The following NELL1 variants were observed in gnomAD, a reference collection of about 807,000 sequenced individuals.
NELL1 encodes neural EGFL like 1.
NELL1 carries 76 observed loss-of-function variants against 107.4 expected under a neutral mutation model. The observed-to-expected ratio is 0.71, with a 90% CI of 0.59 to 0.86. The LOEUF (loss-of-function observed/expected upper bound fraction) is 0.86. NELL1 is among the 40% of genes least tolerant of loss of function. The probability of loss-of-function intolerance (pLI) is 0.00; values close to 1 mark genes in which losing one functional copy is unlikely to be tolerated. For missense variants in NELL1, 1,024 were observed against 1,005.5 expected (o/e 1.02, Z -0.25); for synonymous variants, 353 against 341.2 (o/e 1.03, Z -0.38).
chr11:21,533,872 C>A (rs1363634108), intron 15 of NELL1, among the ~76,000 whole-genome samples: 3 of 152,156 alleles, frequency 2.0e-5, no homozygotes, highest in African/African-American at 4.8e-5. Flanking sequence ...TATTATCAAT[C>A]TTATCTCAAA....
intron 4 of NELL1, among the ~76,000 whole-genome samples, chr11:20,872,018 CAAAAAAAAAAA>C (rs1160968611): frequency 2.4e-5 from 1 of 41,700 alleles, no homozygotes; most frequent in Admixed American, 3.9e-4. Context: ...GACTCCGTCT[CAAAAAAAAAAA>C]AAAAAAAAAA....
chr11:20,860,275 T>C lies in NELL1; in HGVS notation c.506+12522T>C, dbSNP rs563816503. Among the ~76,000 whole-genome samples, 143 of 152,348 alleles carry C rather than the reference T, an allele frequency of 9.4e-4. 1 individual carries two copies. The highest frequency in any genetic ancestry group is 3.4e-3 in the African/African-American group (140 of 41,584). On this transcript the variant is annotated intron_variant, in intron 4 of 19. Coordinates refer to ENST00000357134, the MANE Select transcript of NELL1 (RefSeq NM_006157.5). ...TTTGATCATTTGATTGATGTCTGCCTTTCCTATGGGCTGTAAGCACCCTAT... is the reference window on the plus strand; with the variant it reads ...TTTGATCATTTGATTGATGTCTGCCCTTCCTATGGGCTGTAAGCACCCTAT...
Position 20,678,065 on chromosome 11 carries a change from A to G in NELL1, c.184+5A>G, listed in dbSNP as rs1854104615. 5 of 1,614,026 alleles carry G rather than the reference A, an allele frequency of 3.1e-6. No individual in the cohort carries two copies. Among genetic ancestry groups the G allele is most frequent in the South Asian group, 2.2e-5 (2 of 91,070 alleles). Reference sequence around the variant, plus strand: ...GCAAAGCATTTTTATTTCAAGGTAAAGGCACCTCCTTTCTTGCATGGTGGC... The same window carrying G: ...GCAAAGCATTTTTATTTCAAGGTAAGGGCACCTCCTTTCTTGCATGGTGGC... On this transcript the variant is annotated splice_donor_5th_base_variant and intron_variant, in intron 2 of 19. Coordinates refer to ENST00000357134, the MANE Select transcript of NELL1 (RefSeq NM_006157.5).
At chr11:21,384,149 C>G (rs1851679478) in intron 15 of NELL1, among the ~76,000 whole-genome samples, 1 of 151,948 alleles carries the variant, frequency 6.6e-6, no homozygotes, top group South Asian at 2.1e-4. Context: ...CATAAAACCT[C>G]TAACTCATCC....
intron 12 of NELL1, among the ~76,000 whole-genome samples, chr11:21,101,855 G>GTTTC (rs200961305): frequency 1.2e-4 from 18 of 151,896 alleles, no homozygotes; most frequent in South Asian, 6.2e-4. Flanking sequence ...TAGATCCCAC[G>GTTTC]TTTCTTTCTT....
chr11:21,260,675 A>C (rs1471951568), intron 14 of NELL1: 1 of 151,984 alleles, frequency 6.6e-6, no homozygotes, highest in African/African-American at 2.4e-5. Flanking sequence ...GCAGATAGAG[A>C]GTCTTCATCC....
chr11:21,271,681 C>T (rs937069956), intron 14 of NELL1, among the ~76,000 whole-genome samples: 5 of 152,142 alleles, frequency 3.3e-5, no homozygotes, highest in African/African-American at 1.2e-4. Flanking sequence ...GAAAAGAAAA[C>T]TATAGCCTGG....
intron 12 of NELL1, among the ~76,000 whole-genome samples, chr11:20,974,483 T>C (rs928236391): frequency 3.4e-4 from 52 of 152,192 alleles, no homozygotes; most frequent in Non-Finnish European, 7.2e-4. Flanking sequence ...TTATCTTTTT[T>C]TTTTTCCCCA....
chr11:21,207,866 G>A (rs1407931156), intron 13 of NELL1, among the ~76,000 whole-genome samples: 1 of 152,066 alleles, frequency 6.6e-6, no homozygotes, highest in Non-Finnish European at 1.5e-5. Flanking sequence ...TTCAGTCTTA[G>A]ATACATCTGG....
At chr11:21,408,807 G>A (rs1008087276) in intron 15 of NELL1, among the ~76,000 whole-genome samples, 1 of 152,036 alleles carries the variant, frequency 6.6e-6, no homozygotes, top group African/African-American at 2.4e-5. Flanking sequence ...AGACATTTAT[G>A]CAGCCAAAAA....
intron 14 of NELL1, among the ~76,000 whole-genome samples, chr11:21,282,447 C>T (rs1044413337): frequency 4.1e-5 from 6 of 147,030 alleles, no homozygotes; most frequent in Admixed American, 6.9e-5. Context: ...ACCATGCACT[C>T]CAGCAGGGGC....
At chr11:20,746,696 A>G (rs1205294669) in intron 2 of NELL1, among the ~76,000 whole-genome samples, 3 of 152,140 alleles carry the variant, frequency 2.0e-5, no homozygotes, top group African/African-American at 4.8e-5. Flanking sequence ...AATCTTATTT[A>G]CAAGATATGT....
chr11:20,757,445 A>G (rs1298720349), intron 2 of NELL1, among the ~76,000 whole-genome samples: 1 of 152,158 alleles, frequency 6.6e-6, no homozygotes, highest in Non-Finnish European at 1.5e-5. Context: ...TCAAATTTCT[A>G]TTAGCCAGCT....
chr11:21,102,615 A>G (rs1854848966), intron 12 of NELL1, among the ~76,000 whole-genome samples: 1 of 152,228 alleles, frequency 6.6e-6, no homozygotes, highest in African/African-American at 2.4e-5. Context: ...TGGCACTTGC[A>G]AAATGTTATA....
chr11:20,694,614 A>G (rs750415425), intron 2 of NELL1, among the ~76,000 whole-genome samples: 4 of 151,934 alleles, frequency 2.6e-5, no homozygotes, highest in Admixed American at 6.6e-5. Flanking sequence ...ATTCTGTTCT[A>G]TTGGTCTATG....
chr11:20,682,820 T>C (rs1854220741), intron 2 of NELL1, among the ~76,000 whole-genome samples: 1 of 152,084 alleles, frequency 6.6e-6, no homozygotes, highest in African/African-American at 2.4e-5. Context: ...TTTCTAGAAT[T>C]TTATATAAAT....
At chr11:21,162,408 G>A (rs1463176544) in intron 13 of NELL1, among the ~76,000 whole-genome samples, 1 of 152,144 alleles carries the variant, frequency 6.6e-6, no homozygotes, top group Non-Finnish European at 1.5e-5. Flanking sequence ...GAAACAAGAG[G>A]TCAGGAAATC....
chr11:21,108,161 C>A (rs1855015343), intron 12 of NELL1, among the ~76,000 whole-genome samples: 1 of 152,136 alleles, frequency 6.6e-6, no homozygotes, highest in Non-Finnish European at 1.5e-5. Flanking sequence ...GTATATCCCT[C>A]CCTGGGTTCT....
At chr11:21,051,623 G>A (rs1853495107) in intron 12 of NELL1, among the ~76,000 whole-genome samples, 1 of 152,132 alleles carries the variant, frequency 6.6e-6, no homozygotes, top group Non-Finnish European at 1.5e-5. Context: ...GTGTAACTAT[G>A]GCCTCCCATC....
Sources: gnomAD v4.1 joint callset for allele counts (sites outside exome capture counted in the v4.1 genomes callset) on GRCh38, gnomAD v4.1.1 for gene constraint, MANE v1.5 for transcripts, NCBI Gene and HGNC (gene_info 2026-07-23, HGNC 2026-07-21) for gene names.